The following PRMT8 variants were observed in gnomAD, a reference collection of about 807,000 sequenced individuals.
The protein encoded by PRMT8 is protein arginine N-methyltransferase 8.
PRMT8 carries 7 observed loss-of-function variants against 47.1 expected under a neutral mutation model. That is an observed-to-expected ratio of 0.15 (90% CI 0.08 to 0.28). The LOEUF is 0.28. PRMT8 is among the 10% of genes least tolerant of loss of function. The pLI, the probability that PRMT8 is intolerant of heterozygous loss-of-function variation, is 1.00. For missense variants in PRMT8, 237 were observed against 505.4 expected, an observed-to-expected ratio of 0.47 and a Z score of 5.09; for synonymous variants, 188 against 186.5, an observed-to-expected ratio of 1.01 and a Z score of -0.07.
chr12:3,561,114 C>T (rs1323108796), intron 4 of PRMT8, among the ~76,000 whole-genome samples: 1 of 152,228 alleles, frequency 6.6e-6, no homozygotes, highest in African/African-American at 2.4e-5. Context: ...AAGTGCTACA[C>T]ATCCCCAGTT....
intron 1 of PRMT8, among the ~76,000 whole-genome samples, chr12:3,401,485 GAAAT>G (rs1475868098): frequency 1.3e-5 from 2 of 152,154 alleles, no homozygotes; most frequent in South Asian, 2.1e-4. Context: ...GCAAGAGAAA[GAAAT>G]AAAGAGTATT....
In PRMT8 at chr12:3,580,971, G is replaced by A. The variant is rs537541968; in HGVS notation, c.829-2087G>A. 7.9e-5 allele frequency among the ~76,000 whole-genome samples: 12 copies of A among 152,286 alleles called. No homozygotes were observed. Among genetic ancestry groups the A allele is most frequent in the African/African-American group, 2.2e-4 (9 of 41,550 alleles). On this transcript the variant is annotated intron_variant, in intron 7 of 9. Transcript: ENST00000382622. The surrounding 1 kb of genome is among the most constrained non-coding windows in gnomAD (Gnocchi z 4.6). Reference sequence around the variant, plus strand: ...GGCTGACATATACTCAGTCTAAAACGTTTCCTAGATTTGAGCAATGGCCCA... The same window carrying A: ...GGCTGACATATACTCAGTCTAAAACATTTCCTAGATTTGAGCAATGGCCCA...
chr12:3,492,931 G>A lies in PRMT8; in HGVS notation c.75+1231G>A, dbSNP rs183430525. On this transcript the variant is annotated intron_variant, in intron 1 of 9. Transcript: ENST00000382622. The surrounding 1 kb of genome is among the most constrained non-coding windows in gnomAD (Gnocchi z 7.5). ...GGGGCGGGGATGGGGGTGTGGCGCG[G>A]GGATTGTCCCTCTGTCTTGCCGGAA... 1.3e-5 allele frequency among the ~76,000 whole-genome samples: 2 copies of A among 152,158 alleles called. No homozygotes were observed. The highest frequency in any genetic ancestry group is 1.9e-4 in the East Asian group (1 of 5,164).
chr12:3,404,769 CT>C (rs1294860257), intron 1 of PRMT8, among the ~76,000 whole-genome samples: 2 of 152,060 alleles, frequency 1.3e-5, no homozygotes, highest in South Asian at 4.1e-4. Context: ...GTAGGAATTT[CT>C]TGTTTCTCCT....
intron 1 of PRMT8, among the ~76,000 whole-genome samples, chr12:3,407,947 G>A (rs1311277878): frequency 6.6e-6 from 1 of 151,656 alleles, no homozygotes; most frequent in South Asian, 2.1e-4. Flanking sequence ...GAATTCTTCA[G>A]TTTCAGGATT....
rs1037323709 is a variant in PRMT8 at position 3,421,821 on chromosome 12, C to A, written c.48+40379C>A. Among the ~76,000 whole-genome samples the A allele has an allele frequency of 4.6e-5, 7 of 152,340 alleles. 1 individual carries two copies. Among genetic ancestry groups the A allele is most frequent in the Middle Eastern group, 3.4e-3 (1 of 294 alleles). ...TGCAAAAGCAGAACCATTAACCTCACAAAGAACTCAGAGCCATGAGCAACG... is the reference window on the plus strand; with the variant it reads ...TGCAAAAGCAGAACCATTAACCTCAAAAAGAACTCAGAGCCATGAGCAACG... On this transcript the variant is annotated intron_variant, in intron 1 of 9. Coordinates refer to the PRMT8 transcript ENST00000452611.
intron 8 of PRMT8, among the ~76,000 whole-genome samples, chr12:3,586,753 G>A (rs1005887234): frequency 6.6e-6 from 1 of 152,204 alleles, no homozygotes; most frequent in African/African-American, 2.4e-5. Context: ...CTGAACCAGA[G>A]GGTTGAGAAT....
intron 1 of PRMT8, among the ~76,000 whole-genome samples, chr12:3,399,802 A>C (rs957997616): frequency 6.6e-6 from 1 of 152,234 alleles, no homozygotes; most frequent in African/African-American, 2.4e-5. Context: ...GCAGATTATA[A>C]AGATTATCTT....
At chr12:3,442,815 C>A (rs909950753) in intron 1 of PRMT8, among the ~76,000 whole-genome samples, 1 of 152,126 alleles carries the variant, frequency 6.6e-6, no homozygotes, top group African/African-American at 2.4e-5. Flanking sequence ...TGTGCCACCA[C>A]ACCTGGCTAA....
chr12:3,471,355 G>A (rs1023604668), intron 1 of PRMT8, among the ~76,000 whole-genome samples: 1 of 151,990 alleles, frequency 6.6e-6, no homozygotes, highest in Non-Finnish European at 1.5e-5. Flanking sequence ...AATCCCTCAG[G>A]GCCACAGAGA....
At chr12:3,393,694 C>A (rs1243102778) in intron 1 of PRMT8, among the ~76,000 whole-genome samples, 1 of 140,902 alleles carries the variant, frequency 7.1e-6, no homozygotes, top group African/African-American at 2.7e-5. Context: ...CTTGGCGATG[C>A]GGGCTCTTTT....
At chr12:3,556,430 T>A (rs1866529211) in intron 4 of PRMT8, among the ~76,000 whole-genome samples, 1 of 151,958 alleles carries the variant, frequency 6.6e-6, no homozygotes, top group Non-Finnish European at 1.5e-5. Context: ...GGAGGGGGGC[T>A]TGCTCAACTG....
upstream of PRMT8, among the ~76,000 whole-genome samples, chr12:3,490,675 A>AAGAGAGAGAGAGAGAGAGAGAGAGAG (rs370069857): frequency 1.3e-3 from 156 of 121,134 alleles, 1 homozygote; most frequent in Non-Finnish European, 1.6e-3. Context: ...TTTGGGTACA[A>AAGAGAGAGAGAGAGAGAGAGAGAGAG]AGAGAGAGAG....
intron 8 of PRMT8, among the ~76,000 whole-genome samples, chr12:3,585,528 T>C (rs1377973843): frequency 1.3e-5 from 1 of 79,370 alleles, no homozygotes; most frequent in African/African-American, 8.3e-5. Flanking sequence ...CTGGATACTT[T>C]TTAATTTTTT....
chr12:3,476,244 T>C (rs531890904), intron 1 of PRMT8, among the ~76,000 whole-genome samples: 1 of 152,332 alleles, frequency 6.6e-6, no homozygotes, highest in East Asian at 1.9e-4. Flanking sequence ...GAAGTCAAGA[T>C]GTTTTTGGAA....
rs1393567559 is a variant in PRMT8, at chr12:3,552,096, C to G, written c.418-1555C>G. ...TACAAAAATTAGCCGGGCATGGTGG[C>G]GGGTGCCTGTAATTCCAGCTACTTG... is the stretch of plus-strand genomic sequence containing the variant. On this transcript the variant is annotated intron_variant, in intron 3 of 9. Coordinates refer to ENST00000382622, the MANE Select transcript of PRMT8 (RefSeq NM_019854.5). The surrounding 1 kb of genome is among the most constrained non-coding windows in gnomAD (Gnocchi z 4.5). 1 of 152,410 alleles carries G rather than the reference C, an allele frequency of 6.6e-6. No individual in the cohort carries two copies. The highest frequency in any genetic ancestry group is 6.5e-5 in the Admixed American group (1 of 15,274). 9.4% of individuals were successfully genotyped at this position (152,410 alleles called of 1,614,324 possible). A position where few individuals can be genotyped will look rare whatever the true frequency, so the allele number is the denominator to read the frequency against.
intron 1 of PRMT8, among the ~76,000 whole-genome samples, chr12:3,398,298 G>T (rs547256338): frequency 6.6e-6 from 1 of 152,172 alleles, no homozygotes; most frequent in Non-Finnish European, 1.5e-5. Flanking sequence ...GTGTGGGGCC[G>T]TTTTCAAAGG....
chr12:3,457,270 C>A (rs1275400320), intron 1 of PRMT8, among the ~76,000 whole-genome samples: 1 of 152,170 alleles, frequency 6.6e-6, no homozygotes, highest in African/African-American at 2.4e-5. Flanking sequence ...CAGTTCTCAA[C>A]TGCTGTTCTG....
chr12:3,575,985 C>T (rs1252906451), intron 6 of PRMT8, among the ~76,000 whole-genome samples: 1 of 152,110 alleles, frequency 6.6e-6, no homozygotes, highest in Non-Finnish European at 1.5e-5. Flanking sequence ...GGCCTCTGGG[C>T]GATGGAGCCA....
Sources: gnomAD v4.1 joint callset for allele counts (sites outside exome capture counted in the v4.1 genomes callset) on GRCh38, gnomAD v4.1.1 for gene constraint, Gnocchi (gnomAD v3.1) non-coding constraint, MANE v1.5 for transcripts, NCBI Gene and HGNC (gene_info 2026-07-23, HGNC 2026-07-21) for gene names.